TNPO3: variants seen among roughly 807,000 people sequenced by gnomAD.
TNPO3 encodes the protein transportin-3.
Under a neutral mutation model 122.8 loss-of-function variants are expected in TNPO3, and 65 were observed. That is an observed-to-expected ratio of 0.53 (90% CI 0.43 to 0.65). The LOEUF (loss-of-function observed/expected upper bound fraction) is 0.65, where lower values mean the gene tolerates loss of function less well. Among genes scored for constraint, TNPO3 ranks in the 30% least tolerant of loss-of-function variants. The pLI is 0.00. For missense variants in TNPO3, 850 were observed against 1,136.7 expected (o/e 0.75, Z 3.63); for synonymous variants, 372 against 411.2 (o/e 0.90, Z 1.15).
At chr7:128,982,751 G>T (rs969573551) in intron 13 of TNPO3, among the ~76,000 whole-genome samples, 17 of 152,044 alleles carry the variant, frequency 1.1e-4, no homozygotes, top group Non-Finnish European at 2.5e-4. Context: ...TAAGCAAATT[G>T]TCTCTTACTC....
chr7:128,960,232 T>C (rs1475358933), intron 21 of TNPO3, among the ~76,000 whole-genome samples: 3 of 152,178 alleles, frequency 2.0e-5, no homozygotes, highest in Non-Finnish European at 4.4e-5. Flanking sequence ...CAAACAATTA[T>C]CTACAGTATA....
intron 7 of TNPO3, among the ~76,000 whole-genome samples, chr7:128,998,327 TC>T (rs1801559377): frequency 6.6e-6 from 1 of 152,064 alleles, no homozygotes; most frequent in Non-Finnish European, 1.5e-5. Flanking sequence ...ACCACAGCAT[TC>T]CAGCCTAGGC....
intron 1 of TNPO3, chr7:129,028,920 C>T: frequency 2.4e-6 from 1 of 424,452 alleles, no homozygotes; most frequent in Non-Finnish European, 4.6e-6. Flanking sequence ...AAGAGTTTCA[C>T]TGCCACTTGC....
At chr7:128,987,675 G>A (rs1800311240) in intron 11 of TNPO3, among the ~76,000 whole-genome samples, 1 of 152,172 alleles carries the variant, frequency 6.6e-6, no homozygotes, top group Admixed American at 6.5e-5. Context: ...CCATCTCGCA[G>A]GTTCAAGCAA....
At chr7:129,019,952 C>T (rs747844629) in intron 1 of TNPO3, among the ~76,000 whole-genome samples, 1 of 151,954 alleles carries the variant, frequency 6.6e-6, no homozygotes, top group African/African-American at 2.4e-5. Flanking sequence ...GCCGAGATTA[C>T]ACCACCACAC....
At chr7:128,990,590 T>C (rs1237690708) in intron 10 of TNPO3, among the ~76,000 whole-genome samples, 1 of 152,262 alleles carries the variant, frequency 6.6e-6, no homozygotes, top group Non-Finnish European at 1.5e-5. Context: ...AGCTGGATAT[T>C]GGAAACTTTA....
intron 15 of TNPO3, among the ~76,000 whole-genome samples, 170 bp downstream of exon 15, chr7:128,979,801 T>C (rs897818294): frequency 2.6e-5 from 4 of 152,216 alleles, no homozygotes; most frequent in Admixed American, 6.5e-5. Context: ...TTATCAAATC[T>C]AAAATAAAAG....
At chr7:129,008,734 T>C (rs1174482330) in intron 4 of TNPO3, among the ~76,000 whole-genome samples, 1 of 152,188 alleles carries the variant, frequency 6.6e-6, no homozygotes, top group Non-Finnish European at 1.5e-5. Context: ...CTGATACTCA[T>C]TCTCTCTCCC....
intron 2 of TNPO3, among the ~76,000 whole-genome samples, chr7:129,017,715 A>C (rs1584575189): frequency 6.6e-6 from 1 of 152,358 alleles, no homozygotes; most frequent in African/African-American, 2.4e-5. Context: ...CTGACCTAGC[A>C]TGCCTGTGAA....
rs1801814692 is a variant in TNPO3 at position 129,000,417 on chromosome 7, CAT to C, written c.1011+10_1011+11del. ...TTGGAGAATAATGGCCTTTGAATAG[CAT>C]AAACACTACCTCATATTGAGGATGG... On this transcript the variant is annotated intron_variant, in intron 7 of 22. Transcript: ENST00000265388. The C allele has an allele frequency of 6.2e-7, 1 of 1,608,308 alleles. No individual in the cohort carries two copies. Among genetic ancestry groups the C allele is most frequent in the East Asian group, 2.2e-5 (1 of 44,820 alleles).
rs1165831300 is a variant in TNPO3 at position 129,010,916 on chromosome 7, GCTCTATAT to G, written c.552+4055_552+4062del. 1.5e-4 allele frequency among the ~76,000 whole-genome samples: 19 copies of G among 129,274 alleles called. No individual in the cohort carries two copies. The Admixed American group carries it at 1.5e-3, about 10-fold the overall frequency. The allele number at this position is 129,274 out of a possible 152,430, so 84.8% of individuals were successfully genotyped here. ...AGACCAGGTTTGAGACCATAGAGAA[GCTCTATAT>G]CTACAAAAAAAAAAAATTGTATAGA... On this transcript the variant is annotated intron_variant, in intron 4 of 22. Transcript: ENST00000265388.
intron 1 of TNPO3, chr7:129,029,589 G>A: frequency 6.6e-6 from 1 of 152,178 alleles, no homozygotes. Flanking sequence ...AGGACGTGAG[G>A]CTTAAATCTG....
chr7:129,007,678 A>G (rs1802721037), intron 4 of TNPO3, among the ~76,000 whole-genome samples: 1 of 152,254 alleles, frequency 6.6e-6, no homozygotes, highest in Admixed American at 6.5e-5. Context: ...TTTATTGTGC[A>G]TATTGCATTA....
intron 6 of TNPO3, 96 bp downstream of exon 6, chr7:129,000,953 CAGAATCACTG>C: frequency 1.5e-6 from 2 of 1,348,736 alleles, no homozygotes; most frequent in Non-Finnish European, 2.1e-6. Context: ...CTGTACTTTA[CAGAATCACTG>C]AGAATCACAA....
At chr7:128,971,009 G>A (rs1798425540) in intron 19 of TNPO3, 1 of 151,740 alleles carries the variant, frequency 6.6e-6, no homozygotes. Flanking sequence ...CAGTCTGTCT[G>A]GGTAACACAG....
At chr7:129,020,185 G>A (rs914411353) in intron 1 of TNPO3, among the ~76,000 whole-genome samples, 1 of 151,736 alleles carries the variant, frequency 6.6e-6, no homozygotes, top group Non-Finnish European at 1.5e-5. Flanking sequence ...AATAAGGGGT[G>A]CAAAGTAAGC....
chr7:129,000,296 G>C, intron 7 of TNPO3, 133 bp downstream of exon 7: 1 of 1,057,262 alleles, frequency 9.5e-7, no homozygotes, highest in Non-Finnish European at 1.3e-6. Context: ...TTCCAAAACA[G>C]ATGAAATCAC....
At chr7:128,996,013 A>G (rs950493704) in intron 8 of TNPO3, among the ~76,000 whole-genome samples, 1 of 152,164 alleles carries the variant, frequency 6.6e-6, no homozygotes, top group African/African-American at 2.4e-5. Flanking sequence ...TCTTCACTTT[A>G]AAAAATAGCG....
In TNPO3 at chr7:129,001,017, C is replaced by T. The variant is rs761534602; in HGVS notation, c.872+42G>A. Reference sequence around the variant, plus strand: ...AAAGTGACTTAAAAGAATGACCAGACTGTAGGTAAACCCAGGGCTCCAGAC... The same window carrying T: ...AAAGTGACTTAAAAGAATGACCAGATTGTAGGTAAACCCAGGGCTCCAGAC... On this transcript the variant is annotated intron_variant, in intron 6 of 22. Coordinates refer to ENST00000265388, the MANE Select transcript of TNPO3 (RefSeq NM_012470.4). 4 of 1,597,416 alleles carry T rather than the reference C, an allele frequency of 2.5e-6. No individual in the cohort carries two copies. The Admixed American group carries it at 5.0e-5, about 20-fold the overall frequency.
Sources: allele counts gnomAD v4.1 joint callset (sites outside exome capture counted in the v4.1 genomes callset), GRCh38; gene constraint gnomAD v4.1.1; transcripts MANE v1.5; gene names NCBI Gene and HGNC (gene_info 2026-07-23, HGNC 2026-07-21).